The following EXOC6B variants were observed in gnomAD, a reference collection of about 807,000 sequenced individuals.
EXOC6B encodes SEC15 homolog B.
A neutral mutation model predicts 113.5 loss-of-function variants in EXOC6B; 54 were observed. The ratio of observed to expected loss-of-function variants is 0.48; its 90% CI spans 0.38 to 0.60. The LOEUF is 0.60. Among genes scored for constraint, EXOC6B ranks in the 20% least tolerant of loss-of-function variants. The pLI, the probability that EXOC6B is intolerant of heterozygous loss-of-function variation, is 0.00. For missense variants in EXOC6B, 797 were observed against 977.5 expected, an observed-to-expected ratio of 0.82 and a Z score of 2.46; for synonymous variants, 357 against 339.0, an observed-to-expected ratio of 1.05 and a Z score of -0.58.
chr2:72,401,651 A>ATATG (rs1178185593), intron 18 of EXOC6B, among the ~76,000 whole-genome samples: 9 of 74,138 alleles, frequency 1.2e-4, no homozygotes, highest in Non-Finnish European at 2.0e-4. Flanking sequence ...ATATACATAT[A>ATATG]TATATATATA....
In EXOC6B at chr2:72,407,620, A is replaced by G. The variant is rs945222237; in HGVS notation, c.1981-27750T>C. 1.0e-3 allele frequency among the ~76,000 whole-genome samples: 157 copies of G among 152,350 alleles called. 2 individuals are homozygous for G. Among genetic ancestry groups the G allele is most frequent in the Non-Finnish European group, 2.1e-3 (142 of 68,034 alleles). ...CAGAACCAATGACAAAAACCACATG[A>G]TTATCTCAATAGATGCAGAAAAGGC... On this transcript the variant is annotated intron_variant, in intron 18 of 21. Coordinates refer to ENST00000272427, the MANE Select transcript of EXOC6B (RefSeq NM_015189.3).
chr2:72,616,985 C>T (rs969143819), intron 6 of EXOC6B, among the ~76,000 whole-genome samples: 1 of 152,216 alleles, frequency 6.6e-6, no homozygotes, highest in African/African-American at 2.4e-5. Context: ...AGTGGGGATA[C>T]AGGCATTGGG....
chr2:72,176,838 T>C lies in EXOC6B; in HGVS notation c.*2497A>G, dbSNP rs1181114690. 6.6e-6 allele frequency: 1 copy of C among 152,202 alleles called. No individual in the cohort carries two copies. The highest frequency in any genetic ancestry group is 1.5e-5 in the Non-Finnish European group (1 of 68,062). 9.4% of individuals were successfully genotyped at this position (152,202 alleles called of 1,614,324 possible). A position where few individuals can be genotyped will look rare whatever the true frequency, so the allele number is the denominator to read the frequency against. On this transcript the variant is annotated 3_prime_UTR_variant, in exon 22 of 22. Transcript: ENST00000272427. The stretch of plus-strand genomic sequence containing the variant: ...TGTGCTTGCCCTCTTATTGAGGCCC[T>C]CCACGGTACTTCTACATCTCTAGGT...
At chr2:72,396,701 T>C (rs1382909135) in intron 18 of EXOC6B, among the ~76,000 whole-genome samples, 1 of 152,096 alleles carries the variant, frequency 6.6e-6, no homozygotes, top group Non-Finnish European at 1.5e-5. Context: ...TGTTAGAATA[T>C]GGTTTCCCTT....
chr2:72,191,382 G>A (rs1041442513), intron 20 of EXOC6B, among the ~76,000 whole-genome samples: 13 of 152,152 alleles, frequency 8.5e-5, no homozygotes, highest in South Asian at 2.1e-4. Flanking sequence ...TGGGAACAGT[G>A]GAGAGGACCA....
At chr2:72,761,685 T>A (rs371346711) in intron 1 of EXOC6B, among the ~76,000 whole-genome samples, 2 of 152,190 alleles carry the variant, frequency 1.3e-5, no homozygotes, top group South Asian at 4.1e-4. Flanking sequence ...GGCATTTTCC[T>A]GCCATAGGCT....
chr2:72,178,986 G>T lies in EXOC6B; in HGVS notation c.*349C>A, dbSNP rs188798532. On this transcript the variant is annotated 3_prime_UTR_variant, in exon 22 of 22. Coordinates refer to ENST00000272427, the MANE Select transcript of EXOC6B (RefSeq NM_015189.3). ...TTGCTTACTCACTCTACCTCCCAGC[G>T]CCAGATACCCACTTTTTATGGTTCC... 140 of 206,120 alleles carry T rather than the reference G, an allele frequency of 6.8e-4. 1 individual carries two copies. The highest frequency in any genetic ancestry group is 3.4e-3 in the Admixed American group (65 of 19,058). 12.8% of individuals were successfully genotyped at this position (206,120 alleles called of 1,614,324 possible).
At chr2:72,436,964 T>C (rs145110870) in intron 18 of EXOC6B, among the ~76,000 whole-genome samples, 4 of 152,296 alleles carry the variant, frequency 2.6e-5, no homozygotes, top group Non-Finnish European at 4.4e-5. Flanking sequence ...ACTGTGTTCC[T>C]TTGGAGGAGA....
At chr2:72,462,330 C>T (rs1206295822) in intron 18 of EXOC6B, 1 of 152,024 alleles carries the variant, frequency 6.6e-6, no homozygotes, top group Non-Finnish European at 1.5e-5. Flanking sequence ...TCTTATTGGT[C>T]TTAATGAATT....
At chr2:72,675,320 G>C (rs1056970265) in intron 6 of EXOC6B, among the ~76,000 whole-genome samples, 1 of 152,208 alleles carries the variant, frequency 6.6e-6, no homozygotes, top group Non-Finnish European at 1.5e-5. Context: ...CTATTAGTCT[G>C]ATAGCATTAA....
Position 72,514,630 on chromosome 2 carries a change from C to T in EXOC6B, c.1046+4G>A. 3 of 665,886 alleles carry T rather than the reference C, an allele frequency of 4.5e-6. No homozygotes were observed. The highest frequency in any genetic ancestry group is 4.5e-5 in the East Asian group (1 of 22,430). The allele number at this position is 665,886 out of a possible 1,614,324, so 41.2% of individuals were successfully genotyped here. Reference sequence around the variant, plus strand: ...AATATATATATATATATATATATACCTACCCTACAATTTGATTAAAATACT... The same window carrying T: ...AATATATATATATATATATATATACTTACCCTACAATTTGATTAAAATACT... On this transcript the variant is annotated splice_donor_region_variant and intron_variant, in intron 10 of 21. Transcript: ENST00000272427.
chr2:72,734,448 T>G (rs1670843352), intron 2 of EXOC6B, among the ~76,000 whole-genome samples: 1 of 152,158 alleles, frequency 6.6e-6, no homozygotes, highest in Non-Finnish European at 1.5e-5. Flanking sequence ...AATGGAAGCA[T>G]TGTCTAAAAG....
intron 20 of EXOC6B, among the ~76,000 whole-genome samples, chr2:72,215,894 T>C (rs938659316): frequency 2.0e-5 from 3 of 152,024 alleles, no homozygotes; most frequent in Non-Finnish European, 4.4e-5. Flanking sequence ...TTGCAAAAGC[T>C]GTAGGCTGCT....
intron 18 of EXOC6B, among the ~76,000 whole-genome samples, chr2:72,446,201 C>T (rs1696565691): frequency 6.6e-6 from 1 of 151,922 alleles, no homozygotes; most frequent in Admixed American, 6.6e-5. Flanking sequence ...TGCAAATGTC[C>T]ATTCACTATA....
intron 6 of EXOC6B, among the ~76,000 whole-genome samples, chr2:72,639,927 C>G (rs1673107971): frequency 6.6e-6 from 1 of 152,182 alleles, no homozygotes. Flanking sequence ...AGAATCAGCA[C>G]AAGAGGCCTG....
At chr2:72,383,767 A>G (rs1691831304) in intron 18 of EXOC6B, among the ~76,000 whole-genome samples, 3 of 152,180 alleles carry the variant, frequency 2.0e-5, no homozygotes, top group Admixed American at 6.6e-5. Context: ...TCAACAGTAG[A>G]CTGAATAAAA....
At chr2:72,232,178 T>C (rs902842401) in intron 20 of EXOC6B, among the ~76,000 whole-genome samples, 4 of 152,090 alleles carry the variant, frequency 2.6e-5, no homozygotes, top group African/African-American at 9.7e-5. Context: ...TTTCAATACG[T>C]TGGCCAGGCT....
In EXOC6B at chr2:72,199,918, C is replaced by T. The variant is rs117110543; in HGVS notation, c.2197-15731G>A. Among the ~76,000 whole-genome samples the T allele has an allele frequency of 3.9e-4, 59 of 152,078 alleles. No individual in the cohort carries two copies. In the East Asian group the frequency reaches 0.01, roughly 26 times the overall value. Reference sequence around the variant, plus strand: ...TTTTATTTTTATTTTTATTTTGAGACGGAGTTTCATTCTTCTCACCCAGAC... The same window carrying T: ...TTTTATTTTTATTTTTATTTTGAGATGGAGTTTCATTCTTCTCACCCAGAC... On this transcript the variant is annotated intron_variant, in intron 20 of 21. Transcript: ENST00000272427.
chr2:72,250,027 A>G (rs1219935649), intron 20 of EXOC6B, among the ~76,000 whole-genome samples: 1 of 152,188 alleles, frequency 6.6e-6, no homozygotes, highest in Admixed American at 6.5e-5. Context: ...TAGAAACCTT[A>G]TTGTCTGGCA....
Sources: gnomAD v4.1 joint callset for allele counts (sites outside exome capture counted in the v4.1 genomes callset) on GRCh38, gnomAD v4.1.1 for gene constraint, MANE v1.5 for transcripts, NCBI Gene and HGNC (gene_info 2026-07-23, HGNC 2026-07-21) for gene names.